Variants in STXBP5L observed in about 807,000 individuals in gnomAD.
STXBP5L encodes syntaxin-binding protein 5-like.
A neutral mutation model predicts 144.5 loss-of-function variants in STXBP5L; 65 were observed. The observed-to-expected ratio is 0.45, with a 90% CI of 0.37 to 0.55. STXBP5L has a LOEUF of 0.55. Ranked by LOEUF, STXBP5L falls within the 20% of genes least tolerant of loss-of-function variation. The probability of loss-of-function intolerance (pLI) is 0.00; values close to 1 mark genes in which losing one functional copy is unlikely to be tolerated. For missense variants in STXBP5L, 1,298 were observed against 1,405.5 expected (o/e 0.92, Z 1.22); for synonymous variants, 505 against 469.6 (o/e 1.08, Z -0.97).
chr3:121,356,243 T>C (rs1390025026), intron 20 of STXBP5L, among the ~76,000 whole-genome samples: 1 of 152,224 alleles, frequency 6.6e-6, no homozygotes, highest in African/African-American at 2.4e-5. Context: ...GACAGGGACA[T>C]TTAAGTCTGC....
Position 121,292,418 on chromosome 3 carries a change from A to G in STXBP5L, c.2110+12462A>G, listed in dbSNP as rs2108467875. 2.0e-5 allele frequency among the ~76,000 whole-genome samples: 3 copies of G among 152,342 alleles called. 1 individual carries two copies. Among genetic ancestry groups the G allele is most frequent in the South Asian group, 4.1e-4 (2 of 4,832 alleles). On this transcript the variant is annotated intron_variant, in intron 19 of 26. Coordinates refer to ENST00000471454, the MANE Select transcript of STXBP5L (RefSeq NM_001308330.2). ...ATGTTAGCATGGATATAGTGAAAAGAGAACCCTTTTACACTGCTGGTAGGA... is the reference window on the plus strand; with the variant it reads ...ATGTTAGCATGGATATAGTGAAAAGGGAACCCTTTTACACTGCTGGTAGGA...
intron 3 of STXBP5L, among the ~76,000 whole-genome samples, chr3:120,976,975 A>G (rs1941113322): frequency 6.6e-6 from 1 of 151,968 alleles, no homozygotes; most frequent in Admixed American, 6.6e-5. Flanking sequence ...CTATGTGGTC[A>G]ATTTTGGAAT....
intron 3 of STXBP5L, among the ~76,000 whole-genome samples, chr3:120,981,477 T>G (rs1444701584): frequency 6.6e-6 from 1 of 152,146 alleles, no homozygotes; most frequent in East Asian, 1.9e-4. Context: ...TAGCCTATTA[T>G]TAGGGCTTTG....
chr3:121,072,041 G>T (rs902191856), intron 5 of STXBP5L, among the ~76,000 whole-genome samples: 1 of 152,174 alleles, frequency 6.6e-6, no homozygotes, highest in Admixed American at 6.5e-5. Flanking sequence ...GCTGTATGCA[G>T]TTTCCATTTG....
intron 5 of STXBP5L, among the ~76,000 whole-genome samples, chr3:121,067,488 T>C (rs1398187059): frequency 6.6e-6 from 1 of 152,164 alleles, no homozygotes; most frequent in Non-Finnish European, 1.5e-5. Context: ...AAGATCATAG[T>C]ATATGGTTTT....
chr3:121,299,190 C>A (rs1309651307), intron 19 of STXBP5L, among the ~76,000 whole-genome samples: 1 of 152,162 alleles, frequency 6.6e-6, no homozygotes. Context: ...CTATCATCGT[C>A]ATTTTTTGAA....
At chr3:121,282,295 T>C in intron 19 of STXBP5L, 1 of 1,612,212 alleles carries the variant, frequency 6.2e-7, no homozygotes, top group Non-Finnish European at 8.5e-7. Context: ...CCTGTCTAAC[T>C]TTTATCCTGA....
chr3:121,268,593 C>T (rs1398063563), intron 18 of STXBP5L, among the ~76,000 whole-genome samples: 1 of 151,936 alleles, frequency 6.6e-6, no homozygotes, highest in Admixed American at 6.6e-5. Context: ...TGATTATTAC[C>T]ATATTATATA....
intron 7 of STXBP5L, among the ~76,000 whole-genome samples, chr3:121,122,406 A>C (rs764704241): frequency 3.3e-5 from 5 of 151,224 alleles, no homozygotes; most frequent in Non-Finnish European, 7.4e-5. Context: ...GTGCCGTCAG[A>C]GTTTATTTTT....
At chr3:121,240,595 C>A in intron 14 of STXBP5L, 88 bp downstream of exon 14, 2 of 1,238,624 alleles carry the variant, frequency 1.6e-6, no homozygotes, top group Admixed American at 1.9e-5. Context: ...GTGTTCTATG[C>A]AGAATAATAG....
At chr3:121,157,736 C>T in intron 9 of STXBP5L, 109 bp downstream of exon 9, 1 of 1,419,324 alleles carries the variant, frequency 7.0e-7, no homozygotes, top group Non-Finnish European at 9.4e-7. Context: ...TAGGACATAG[C>T]TTCTGGTTCT....
At chr3:120,934,098 T>TC (rs914768239) in intron 2 of STXBP5L, among the ~76,000 whole-genome samples, 3 of 151,556 alleles carry the variant, frequency 2.0e-5, no homozygotes, top group African/African-American at 7.3e-5. Context: ...TTTCTTTTTT[T>TC]TTTTTTCATT....
intron 9 of STXBP5L, among the ~76,000 whole-genome samples, chr3:121,200,598 T>C (rs2048101364): frequency 6.6e-6 from 1 of 152,194 alleles, no homozygotes; most frequent in Non-Finnish European, 1.5e-5. Flanking sequence ...TCTTTCTTGC[T>C]TTCTGATGTG....
chr3:121,090,095 G>C (rs963378103), intron 5 of STXBP5L, among the ~76,000 whole-genome samples: 1 of 151,946 alleles, frequency 6.6e-6, no homozygotes, highest in Non-Finnish European at 1.5e-5. Flanking sequence ...TCAAATTGAG[G>C]TTTTTCTATT....
chr3:121,061,710 T>C (rs1415139463), intron 5 of STXBP5L, among the ~76,000 whole-genome samples: 1 of 152,236 alleles, frequency 6.6e-6, no homozygotes, highest in African/African-American at 2.4e-5. Flanking sequence ...TTGATCCCTT[T>C]ACTATTATGT....
At chr3:121,326,547 T>C (rs908626163) in intron 20 of STXBP5L, among the ~76,000 whole-genome samples, 1 of 152,096 alleles carries the variant, frequency 6.6e-6, no homozygotes, top group Admixed American at 6.6e-5. Context: ...TTTAATTTAA[T>C]GTTGTATTTA....
intron 20 of STXBP5L, among the ~76,000 whole-genome samples, chr3:121,323,523 A>G (rs1428969443): frequency 1.3e-5 from 2 of 152,188 alleles, no homozygotes; most frequent in East Asian, 1.9e-4. Context: ...TGAAGAATCC[A>G]TTGAGTCAAA....
intron 9 of STXBP5L, among the ~76,000 whole-genome samples, chr3:121,168,848 A>G (rs2046595806): frequency 6.6e-6 from 1 of 152,176 alleles, no homozygotes; most frequent in African/African-American, 2.4e-5. Context: ...GAACACCACA[A>G]AGATACTCCT....
At chr3:120,954,919 G>A in intron 2 of STXBP5L, 21 bp from the exon 3 acceptor site, 2 of 1,590,800 alleles carry the variant, frequency 1.3e-6, no homozygotes, top group Non-Finnish European at 8.6e-7. Flanking sequence ...AGACTTATTG[G>A]TATTATTTGC....
Sources: gnomAD v4.1 joint callset for allele counts (sites outside exome capture counted in the v4.1 genomes callset) on GRCh38, gnomAD v4.1.1 for gene constraint, MANE v1.5 for transcripts, NCBI Gene and HGNC (gene_info 2026-07-23, HGNC 2026-07-21) for gene names.